LUZP2: variants seen among roughly 807,000 people sequenced by gnomAD.
The protein encoded by LUZP2 is leucine zipper protein 2.
A neutral mutation model predicts 51.6 loss-of-function variants in LUZP2; 52 were observed. That is an observed-to-expected ratio of 1.01 (90% CI 0.81 to 1.27). The LOEUF is 1.27. Among genes scored for constraint, LUZP2 ranks in the 50% most tolerant of loss-of-function variants. The pLI is 0.00. For synonymous variants in LUZP2, 154 were observed against 137.3 expected (o/e 1.12, Z -0.85); for missense variants, 436 against 395.4 (o/e 1.10, Z -0.87).
At chr11:25,025,318 C>T (rs536075821) in intron 9 of LUZP2, among the ~76,000 whole-genome samples, 23 of 152,198 alleles carry the variant, frequency 1.5e-4, no homozygotes, top group Middle Eastern at 3.4e-3. Context: ...AACTAAAGAG[C>T]TTCTGCACAG....
intron 1 of LUZP2, among the ~76,000 whole-genome samples, chr11:24,517,399 T>G (rs148330246): frequency 0.036 from 4,904 of 137,618 alleles, 256 homozygotes; most frequent in African/African-American, 0.12. Context: ...GGCAGGAGAA[T>G]GGCGTGAACC....
At chr11:24,861,672 C>G (rs544031093) in intron 5 of LUZP2, among the ~76,000 whole-genome samples, 2 of 152,278 alleles carry the variant, frequency 1.3e-5, no homozygotes, top group African/African-American at 4.8e-5. Flanking sequence ...AATGAGCAGT[C>G]CCAAACAGCT....
At chr11:24,579,132 C>G (rs979246351) in intron 1 of LUZP2, among the ~76,000 whole-genome samples, 1 of 151,920 alleles carries the variant, frequency 6.6e-6, no homozygotes, top group African/African-American at 2.4e-5. Flanking sequence ...TTCATTAAAT[C>G]AATAGGAATT....
chr11:24,689,712 C>T (rs573151212), intron 1 of LUZP2, among the ~76,000 whole-genome samples: 15 of 152,232 alleles, frequency 9.9e-5, no homozygotes, highest in Non-Finnish European at 1.5e-4. Context: ...TTAATTTCCC[C>T]CATGTTATAT....
intron 5 of LUZP2, among the ~76,000 whole-genome samples, chr11:24,827,897 G>T (rs1850589089): frequency 6.6e-6 from 1 of 152,048 alleles, no homozygotes; most frequent in South Asian, 2.1e-4. Context: ...GGATGGAAAT[G>T]AATGTCACTC....
At chr11:24,723,038 A>T (rs926900752) in intron 1 of LUZP2, among the ~76,000 whole-genome samples, 1 of 152,124 alleles carries the variant, frequency 6.6e-6, no homozygotes, top group Non-Finnish European at 1.5e-5. Flanking sequence ...CAAATCAATA[A>T]CAAGCAATGG....
At chr11:24,669,414 C>T (rs1425706963) in intron 1 of LUZP2, among the ~76,000 whole-genome samples, 3 of 152,224 alleles carry the variant, frequency 2.0e-5, no homozygotes, top group Non-Finnish European at 4.4e-5. Context: ...GAATGCTTTC[C>T]TAATTGGTAT....
chr11:24,918,635 C>T (rs1409864117), intron 7 of LUZP2, among the ~76,000 whole-genome samples: 1 of 149,180 alleles, frequency 6.7e-6, no homozygotes, highest in Non-Finnish European at 1.5e-5. Context: ...AAATGTAATT[C>T]TTTAAAAAAA....
chr11:24,502,143 A>C (rs190310497), intron 1 of LUZP2, among the ~76,000 whole-genome samples: 9,799 of 151,506 alleles, frequency 0.065, 341 homozygotes, highest in Middle Eastern at 0.11. Context: ...GTACTCAACA[A>C]AGGTTAGCCT....
At chr11:24,695,150 G>A (rs1000467769) in intron 1 of LUZP2, among the ~76,000 whole-genome samples, 4 of 151,820 alleles carry the variant, frequency 2.6e-5, no homozygotes, top group African/African-American at 7.3e-5. Flanking sequence ...AAAAATATAT[G>A]GATACATTTT....
Position 24,667,184 on chromosome 11 carries a change from C to CTTTTTTTT in LUZP2, c.63-61975_63-61968dup, listed in dbSNP as rs199740839. ...GCCCAAATATACATTTTCTTTTTTT[C>CTTTTTTTT]TTTTTTTTTTTTTTTTTGAGACGGA... On this transcript the variant is annotated intron_variant, in intron 1 of 11. Transcript: ENST00000336930. Among the ~76,000 whole-genome samples the CTTTTTTTT allele has an allele frequency of 5.6e-4, 74 of 132,006 alleles. 1 individual carries two copies. The highest frequency in any genetic ancestry group is 7.1e-4 in the Non-Finnish European group (45 of 63,124). The allele number at this position is 132,006 out of a possible 152,430, so 86.6% of individuals were successfully genotyped here.
intron 1 of LUZP2, among the ~76,000 whole-genome samples, chr11:24,687,551 G>A (rs189290787): frequency 4.6e-5 from 7 of 152,152 alleles, no homozygotes; most frequent in Non-Finnish European, 5.9e-5. Flanking sequence ...GCTAAGAAGC[G>A]GAGACAGAGT....
chr11:24,729,255 G>C lies in LUZP2; in HGVS notation c.149G>C (p.Arg50Thr). The C allele has an allele frequency of 6.4e-7, 1 of 1,564,568 alleles. No individual in the cohort carries two copies. Among genetic ancestry groups the C allele is most frequent in the Non-Finnish European group, 8.7e-7 (1 of 1,147,560 alleles). ...TILRQLTKTSRELDGIKVNLQ... is the reference protein window; with the variant it reads ...TILRQLTKTSTELDGIKVNLQ... ...CTTCGTCAGCTGACAAAGACATCAA[G>C]AGAACTTGATGGAATTAAAGTCAAT... is the stretch of plus-strand genomic sequence containing the variant. Residue 50 changes from arginine to threonine, a missense_variant, in exon 2 of 12, where the codon AGA becomes ACA. Transcript: ENST00000336930.
At chr11:24,944,902 TTTAA>T (rs1486102137) in intron 7 of LUZP2, among the ~76,000 whole-genome samples, 2 of 152,194 alleles carry the variant, frequency 1.3e-5, no homozygotes, top group African/African-American at 4.8e-5. Context: ...CTGTGGTGAA[TTTAA>T]TTAAAGATTA....
At chr11:24,683,059 C>G (rs1413091462) in intron 1 of LUZP2, among the ~76,000 whole-genome samples, 1 of 152,036 alleles carries the variant, frequency 6.6e-6, no homozygotes, top group Non-Finnish European at 1.5e-5. Context: ...CATATCAGCT[C>G]TTAACTACTC....
intron 10 of LUZP2, among the ~76,000 whole-genome samples, chr11:25,076,549 G>GAGGAGGGA (rs974561729): frequency 1.3e-5 from 2 of 149,794 alleles, no homozygotes; most frequent in Non-Finnish European, 3.0e-5. Context: ...GGAAGGAAGA[G>GAGGAGGGA]AGGAGGGAAG....
intron 1 of LUZP2, among the ~76,000 whole-genome samples, chr11:24,629,257 A>G (rs1226719127): frequency 2.0e-5 from 3 of 151,506 alleles, no homozygotes; most frequent in Non-Finnish European, 4.4e-5. Flanking sequence ...CTCAGTTTCT[A>G]TTGTCTGTTA....
At chr11:24,896,677 G>T (rs771630921) in intron 5 of LUZP2, among the ~76,000 whole-genome samples, 1 of 152,246 alleles carries the variant, frequency 6.6e-6, no homozygotes, top group Non-Finnish European at 1.5e-5. Context: ...GGGTTGAGGA[G>T]TGCGGGTGCA....
chr11:24,943,895 A>G (rs2133852951), intron 7 of LUZP2, among the ~76,000 whole-genome samples: 1 of 151,666 alleles, frequency 6.6e-6, no homozygotes, highest in African/African-American at 2.4e-5. Context: ...AAAAAAAAAA[A>G]AATCATTAAG....
Sources: allele counts gnomAD v4.1 joint callset (sites outside exome capture counted in the v4.1 genomes callset), GRCh38; gene constraint gnomAD v4.1.1; transcripts MANE v1.5; gene names NCBI Gene and HGNC (gene_info 2026-07-23, HGNC 2026-07-21).